The following AHNAK2 variants were observed in gnomAD, a reference collection of about 807,000 sequenced individuals.
AHNAK2 encodes the protein AHNAK nucleoprotein 2, also known as protein AHNAK2.
AHNAK2 carries 18 observed loss-of-function variants against 30.7 expected under a neutral mutation model. That is an observed-to-expected ratio of 0.59 (90% CI 0.41 to 0.87). AHNAK2 has a LOEUF of 0.87. AHNAK2 is among the 40% of genes least tolerant of loss of function. The pLI is 0.00. For missense variants in AHNAK2, 8,604 were observed against 7,373.0 expected (o/e 1.17, Z -6.11); for synonymous variants, 3,590 against 3,073.8 (o/e 1.17, Z -5.56).
At chr14:104,974,843 A>C (rs1899556916) in intron 1 of AHNAK2, among the ~76,000 whole-genome samples, 1 of 152,208 alleles carries the variant, frequency 6.6e-6, no homozygotes, top group South Asian at 2.1e-4. Flanking sequence ...AGTGGGTGGC[A>C]GGGACCCCCA....
chr14:104,977,407 C>A (rs1411316347), intron 1 of AHNAK2, among the ~76,000 whole-genome samples: 3 of 152,226 alleles, frequency 2.0e-5, no homozygotes, highest in African/African-American at 7.2e-5. Flanking sequence ...AGCAGGTACA[C>A]ATGCCGTAGC....
chr14:104,944,869 C>A lies in AHNAK2; in HGVS notation c.10582G>T (p.Ala3528Ser), dbSNP rs200270535. 1.2e-6 allele frequency: 2 copies of A among 1,612,998 alleles called. No individual in the cohort carries two copies. Among genetic ancestry groups the A allele is most frequent in the East Asian group, 2.2e-5 (1 of 44,748 alleles). The change falls in exon 7 of 7, where the codon GCT becomes TCT. Residue 3528 changes from alanine to serine, a missense_variant. Transcript: ENST00000333244. ...TGGACAGCCTGGACCTCCAGGTCAGCGGAAGGGGGCTGAATGCTGAGGTCA... is the reference window on the plus strand; with the variant it reads ...TGGACAGCCTGGACCTCCAGGTCAGAGGAAGGGGGCTGAATGCTGAGGTCA... ...ATDLSIQPPS[A>S]DLEVQAVQVD...
rs767924308 is a variant in AHNAK2, at chr14:104,948,725, G to A, written c.6726C>T (p.Pro2242=). ...GGTCCACTTTGGGCACCTTGAAACT[G>A]GGCATCTGCAGCTTGGGCAGGTGCC... ...LKGHLPKLQM[P]SFKVPKVDLK... is the part of the protein sequence containing the mutation. Residue 2242 remains proline (P), a synonymous_variant, in exon 7 of 7, where the codon CCC becomes CCT. Transcript: ENST00000333244. 6.2e-7 allele frequency: 1 copy of A among 1,611,548 alleles called. No individual in the cohort carries two copies. The highest frequency in any genetic ancestry group is 8.5e-7 in the Non-Finnish European group (1 of 1,179,480).
At position 104,942,724 on chromosome 14, in the gene AHNAK2, G is replaced by C. The variant is rs199572888; in HGVS notation, c.12727C>G (p.Leu4243Val). 9.9e-6 allele frequency: 16 copies of C among 1,613,132 alleles called. No homozygotes were observed. Among genetic ancestry groups the C allele is most frequent in the Admixed American group, 1.7e-5 (1 of 59,972 alleles). Residue 4243 changes from leucine to valine, a missense_variant, in exon 7 of 7, where the codon CTG (leucine) becomes GTG (valine). Coordinates refer to ENST00000333244, the MANE Select transcript of AHNAK2 (RefSeq NM_138420.4). ...TCCGCCTTGGGGCCTTTCAGGTCCA[G>C]CTTGGGGCCCTTGACATCCACCTGG... is the stretch of plus-strand genomic sequence containing the variant. ...GPQVDVKGPK[L>V]DLKGPKADVM...
Position 104,952,543 on chromosome 14 carries a change from C to A in AHNAK2, c.2908G>T (p.Ala970Ser), listed in dbSNP as rs749837805. ...SLPSMEVDVQ[A>S]QKAKLDGAWL... Reference sequence around the variant, plus strand: ...GCACCATCCAGCTTGGCCTTCTGGGCCTGGACATCCACCTCCATGCTGGGC... The same window carrying A: ...GCACCATCCAGCTTGGCCTTCTGGGACTGGACATCCACCTCCATGCTGGGC... Residue 970 changes from alanine to serine, a missense_variant, in exon 7 of 7, where the codon GCC becomes TCC. Ala to Ser is a moderately conservative substitution (Grantham distance 99, BLOSUM62 1). Coordinates refer to ENST00000333244, the MANE Select transcript of AHNAK2 (RefSeq NM_138420.4). 7 of 1,612,874 alleles carry A rather than the reference C, an allele frequency of 4.3e-6. No individual in the cohort carries two copies. The highest frequency in any genetic ancestry group is 5.9e-6 in the Non-Finnish European group (7 of 1,179,700).
In AHNAK2 at chr14:104,943,424, C is replaced by A; in HGVS notation, c.12027G>T (p.Gly4009=). ...CGCTGAGGTCAGTGGCCTTGAGGTCCCCCTGCATGGAAGGGAGGCTCACGT... is the reference window on the plus strand; with the variant it reads ...CGCTGAGGTCAGTGGCCTTGAGGTCACCCTGCATGGAAGGGAGGCTCACGT... The part of the protein sequence containing the change: ...EADVSLPSMQ[G]DLKATDLSVQ... The change falls in exon 7 of 7, where the codon GGG becomes GGT. Residue 4009 remains glycine, a synonymous_variant. Transcript: ENST00000333244. 1 of 1,613,260 alleles carries A rather than the reference C, an allele frequency of 6.2e-7. No homozygotes were observed. Among genetic ancestry groups the A allele is most frequent in the Admixed American group, 1.7e-5 (1 of 59,972 alleles).
intron 1 of AHNAK2, among the ~76,000 whole-genome samples, chr14:104,969,656 G>A (rs1899416582): frequency 6.6e-6 from 1 of 152,196 alleles, no homozygotes; most frequent in Non-Finnish European, 1.5e-5. Flanking sequence ...CTGAGGGTGG[G>A]AGCCAGTTGA....
Position 104,954,394 on chromosome 14 carries a change from C to G in AHNAK2, c.1057G>C (p.Ala353Pro). ...GRGFQSGVGR[A>P]GVLEELGPWG... Reference sequence around the variant, plus strand: ...GGCCCCAACTCTTCCAGGACCCCAGCACGGCCCACCCCACTCTGGAACCCC... The same window carrying G: ...GGCCCCAACTCTTCCAGGACCCCAGGACGGCCCACCCCACTCTGGAACCCC... The change falls in exon 7 of 7, where the codon GCT (alanine) becomes CCT (proline). Residue 353 changes from alanine (A) to proline (P), a missense_variant. Physicochemically the swap from Ala to Pro is conservative, Grantham distance 27. Transcript: ENST00000333244. The surrounding 1 kb of genome is among the most constrained non-coding windows in gnomAD (Gnocchi z 4.3). The G allele has an allele frequency of 6.2e-7, 1 of 1,613,192 alleles. No individual in the cohort carries two copies. Among genetic ancestry groups the G allele is most frequent in the East Asian group, 2.2e-5 (1 of 44,882 alleles).
In AHNAK2 at chr14:104,943,919, C is replaced by T. The variant is rs759764969; in HGVS notation, c.11532G>A (p.Gly3844=). Residue 3844 remains glycine (G), a synonymous_variant, in exon 7 of 7, where the codon GGG becomes GGA. Coordinates refer to ENST00000333244, the MANE Select transcript of AHNAK2 (RefSeq NM_138420.4). The part of the protein sequence containing the change: ...EADVSLPSMQ[G]DLKTTDLSIQ... ...TGCTGAGGTCAGTGGTCTTGAGGTC[C>T]CCCTGCATGGAGGGGAGACTCACAT... The T allele has an allele frequency of 1.9e-6, 3 of 1,613,092 alleles. No homozygotes were observed. The highest frequency in any genetic ancestry group is 1.7e-5 in the Admixed American group (1 of 59,938).
chr14:104,960,832 A>G (rs1350130936), intron 1 of AHNAK2, among the ~76,000 whole-genome samples: 1 of 152,182 alleles, frequency 6.6e-6, no homozygotes, highest in Non-Finnish European at 1.5e-5. Flanking sequence ...AAGGTAATTA[A>G]CTGTATAAAA....
intron 1 of AHNAK2, among the ~76,000 whole-genome samples, chr14:104,975,714 CCA>C (rs557095613): frequency 9.8e-4 from 150 of 152,340 alleles, no homozygotes; most frequent in Middle Eastern, 6.8e-3. Flanking sequence ...CAGCCCTCCC[CCA>C]GTGTAGATGA....
At position 104,938,546 on chromosome 14, in the gene AHNAK2, G is replaced by A; in HGVS notation, c.16905C>T (p.Asp5635=). The change falls in exon 7 of 7, where the codon GAC becomes GAT. Residue 5635 remains aspartate (D), a synonymous_variant. Transcript: ENST00000333244. The stretch of plus-strand genomic sequence containing the variant: ...GACCAGATTTTTTACTTTCTGGTTT[G>A]TCTTTTGGAGCCCTGCCTTCATCTG... ...PLADEGRAPK[D]KPESKKSGLL... The A allele has an allele frequency of 1.2e-6, 2 of 1,613,342 alleles. No homozygotes were observed. Among genetic ancestry groups the A allele is most frequent in the Non-Finnish European group, 1.7e-6 (2 of 1,179,760 alleles).
In AHNAK2 at chr14:104,938,648, G is replaced by A. The variant is rs775813968; in HGVS notation, c.16803C>T (p.Asp5601=). The change falls in exon 7 of 7, where the codon GAC becomes GAT. Residue 5601 remains aspartate, a synonymous_variant. Transcript: ENST00000333244. ...CTGCTGGCTCCTCATCTGAACAGCT[G>A]TCTGCAAGCTGGTGGCCAGAAGGAA... The part of the protein sequence containing the change: ...FEVPSGHQLA[D]SCSDEEPAEI... 6.2e-7 allele frequency: 1 copy of A among 1,612,344 alleles called. No individual in the cohort carries two copies.
chr14:104,976,220 T>C (rs1308887925), intron 1 of AHNAK2, among the ~76,000 whole-genome samples: 2 of 152,070 alleles, frequency 1.3e-5, no homozygotes, highest in Non-Finnish European at 2.9e-5. Context: ...CAGAGCCCAC[T>C]GGGAGTGAAC....
intron 4 of AHNAK2, among the ~76,000 whole-genome samples, chr14:104,955,871 G>A (rs1409416668): frequency 6.6e-6 from 1 of 152,242 alleles, no homozygotes; most frequent in Admixed American, 6.5e-5. Context: ...CCAGGACTTA[G>A]GCACAGCCTG....
At chr14:104,976,498 GA>G (rs1899595498) in intron 1 of AHNAK2, among the ~76,000 whole-genome samples, 1 of 152,178 alleles carries the variant, frequency 6.6e-6, no homozygotes, top group South Asian at 2.1e-4. Flanking sequence ...TGCTTGTCAG[GA>G]ATGCACGTTC....
Position 104,937,999 on chromosome 14 carries a change from G to A in AHNAK2, c.*64C>T, listed in dbSNP as rs1003195684. The A allele has an allele frequency of 1.0e-5, 16 of 1,530,594 alleles. No individual in the cohort carries two copies. Among genetic ancestry groups the A allele is most frequent in the Non-Finnish European group, 1.4e-5 (16 of 1,126,862 alleles). 94.8% of individuals were successfully genotyped at this position (1,530,594 alleles called of 1,614,324 possible). ...CTGTGGGATGGGGTGCTCCATATGT[G>A]TGTGTAGCCTTTACTTTCCAACTTA... On this transcript the variant is annotated 3_prime_UTR_variant, in exon 7 of 7. Transcript: ENST00000333244.
chr14:104,973,960 C>T (rs1298439077), intron 1 of AHNAK2, among the ~76,000 whole-genome samples: 5 of 152,118 alleles, frequency 3.3e-5, no homozygotes, highest in Non-Finnish European at 7.4e-5. Flanking sequence ...GGGGGAGTAC[C>T]GCCTCCCGCC....
intron 1 of AHNAK2, among the ~76,000 whole-genome samples, chr14:104,969,041 T>G (rs1025128625): frequency 4.6e-5 from 7 of 152,180 alleles, no homozygotes; most frequent in Non-Finnish European, 1.0e-4. Context: ...CTGACTGTCA[T>G]GAGACCTTCA....
Sources: gnomAD v4.1 joint callset for allele counts (sites outside exome capture counted in the v4.1 genomes callset) on GRCh38, gnomAD v4.1.1 for gene constraint, Gnocchi (gnomAD v3.1) non-coding constraint, MANE v1.5 for transcripts, NCBI Gene and HGNC (gene_info 2026-07-23, HGNC 2026-07-21) for gene names.